The following ADAMTS9 variants were observed in gnomAD, a reference collection of about 807,000 sequenced individuals.
ADAMTS9 encodes the protein ADAM metallopeptidase with thrombospondin type 1 motif 9.
A neutral mutation model predicts 257.1 loss-of-function variants in ADAMTS9; 107 were observed. The observed-to-expected ratio is 0.42, with a 90% confidence interval of 0.36 to 0.49. The LOEUF (loss-of-function observed/expected upper bound fraction) is 0.49. Ranked by LOEUF, ADAMTS9 falls within the 20% of genes least tolerant of loss-of-function variation. The probability of loss-of-function intolerance (pLI) is 0.03; values close to 1 mark genes in which losing one functional copy is unlikely to be tolerated. For synonymous variants in ADAMTS9, 982 were observed against 880.9 expected (o/e 1.11, Z -2.03); for missense variants, 2,353 against 2,469.1 (o/e 0.95, Z 1.00).
At chr3:64,618,186 G>A (rs950717303) in intron 19 of ADAMTS9, among the ~76,000 whole-genome samples, 1 of 152,058 alleles carries the variant, frequency 6.6e-6, no homozygotes, top group Non-Finnish European at 1.5e-5. Flanking sequence ...CTAAACTCCT[G>A]GTTTTTCTTT....
rs147858104 is a variant in ADAMTS9 at position 64,541,164 on chromosome 3, C to A, written c.5452G>T (p.Asp1818Tyr). ...CTGGAAAACCCAGCGGCCGTGTAAT[C>A]CTTCCGACATTGGCAGTCATCGCGC... ...SRRDDCQCRK[D>Y]YTAAGFSSFQ... Residue 1818 changes from aspartate to tyrosine, a missense_variant, in exon 36 of 40, where the codon GAT becomes TAT. By Grantham distance (160) the Asp-to-Tyr change is radical. Coordinates refer to ENST00000498707, the MANE Select transcript of ADAMTS9 (RefSeq NM_182920.2). 4.5e-5 allele frequency: 73 copies of A among 1,614,064 alleles called. No homozygotes were observed. The highest frequency in any genetic ancestry group is 5.8e-5 in the Non-Finnish European group (69 of 1,180,038).
chr3:64,677,373 A>G (rs1260489920), intron 3 of ADAMTS9, among the ~76,000 whole-genome samples: 1 of 152,194 alleles, frequency 6.6e-6, no homozygotes, highest in African/African-American at 2.4e-5. Flanking sequence ...AACAGAGACA[A>G]TCAGGAAGGG....
At chr3:64,546,633 A>G (rs889864669) in intron 32 of ADAMTS9, 125 bp downstream of exon 32, 2 of 1,017,188 alleles carry the variant, frequency 2.0e-6, no homozygotes, top group Non-Finnish European at 2.8e-6. Context: ...GCCCATTTCA[A>G]GTTGCTAACT....
At position 64,658,603 on chromosome 3, in the gene ADAMTS9, A is replaced by T; in HGVS notation, c.868T>A (p.Ser290Thr). ...RTHRRTKRFL[S>T]YPRFVEVLVV... ...AAGACTTCTACAAACCGTGGATAGG[A>T]TAAAAAACGTTTTGTCCTTCTGTGG... The change falls in exon 4 of 40, where the codon TCC becomes ACC. Residue 290 changes from serine to threonine, a missense_variant. Physicochemically the swap from Ser to Thr is moderately conservative, Grantham distance 58. This residue lies in a region of ADAMTS9 where 591 missense variants were observed against 569.6 expected (regional missense o/e 1.04). Transcript: ENST00000498707. 7.4e-6 allele frequency: 12 copies of T among 1,613,986 alleles called. No homozygotes were observed. The highest frequency in any genetic ancestry group is 1.0e-5 in the Non-Finnish European group (12 of 1,180,002).
chr3:64,542,566 T>C (rs1246598958), intron 32 of ADAMTS9, among the ~76,000 whole-genome samples: 2 of 152,060 alleles, frequency 1.3e-5, no homozygotes, highest in African/African-American at 2.4e-5. Context: ...TATCTGGGAC[T>C]ACAGGCACGC....
At chr3:64,555,897 C>G (rs547269417) in intron 30 of ADAMTS9, among the ~76,000 whole-genome samples, 1 of 152,208 alleles carries the variant, frequency 6.6e-6, no homozygotes, top group Non-Finnish European at 1.5e-5. Context: ...TTTAGAGCAT[C>G]CCTAATGCCT....
chr3:64,677,985 T>G (rs745970297), intron 3 of ADAMTS9, among the ~76,000 whole-genome samples: 1 of 152,198 alleles, frequency 6.6e-6, no homozygotes, highest in Non-Finnish European at 1.5e-5. Context: ...AATCCTTTTT[T>G]GAAAATTAGG....
intron 16 of ADAMTS9, 100 bp from the exon 17 acceptor site, chr3:64,622,686 G>C: frequency 7.6e-7 from 1 of 1,323,872 alleles, no homozygotes; most frequent in Non-Finnish European, 1.0e-6. Flanking sequence ...CGCTGTGCAC[G>C]GAATGGGGAC....
chr3:64,658,830 A>T (rs1178106739), intron 3 of ADAMTS9, 39 bp from the exon 4 acceptor site: 4 of 1,554,154 alleles, frequency 2.6e-6, no homozygotes, highest in Admixed American at 2.0e-5. Context: ...ATTTCAAGCC[A>T]CATCTATTTT....
chr3:64,670,813 A>G (rs1701468453), intron 3 of ADAMTS9, among the ~76,000 whole-genome samples: 1 of 152,236 alleles, frequency 6.6e-6, no homozygotes, highest in Non-Finnish European at 1.5e-5. Context: ...GAAAACTACA[A>G]TGAAATTCCA....
Position 64,649,792 on chromosome 3 carries a change from C to G in ADAMTS9, c.1464-14G>C, listed in dbSNP as rs199700073. On this transcript the variant is annotated splice_polypyrimidine_tract_variant and intron_variant, in intron 9 of 39. Transcript: ENST00000498707. The stretch of plus-strand genomic sequence containing the variant: ...CCATAACCAGTGCTACGGAAACACA[C>G]AGAAACACACAGATGGTGAGAACGG... The G allele has an allele frequency of 2.5e-5, 40 of 1,607,446 alleles. No individual in the cohort carries two copies. The Admixed American group carries it at 6.6e-4, about 26-fold the overall frequency.
At chr3:64,607,675 C>A (rs933391094) in intron 22 of ADAMTS9, among the ~76,000 whole-genome samples, 3 of 152,102 alleles carry the variant, frequency 2.0e-5, no homozygotes, top group African/African-American at 7.2e-5. Context: ...TAGGGAGCTC[C>A]AAGAATTGGT....
At chr3:64,535,272 G>A (rs2083035216) in intron 37 of ADAMTS9, among the ~76,000 whole-genome samples, 3 of 152,060 alleles carry the variant, frequency 2.0e-5, no homozygotes, top group South Asian at 4.2e-4. Context: ...CCAGATGCTC[G>A]GGAGACTGAG....
At chr3:64,522,027 G>T in intron 39 of ADAMTS9, 139 bp downstream of exon 39, 1 of 656,004 alleles carries the variant, frequency 1.5e-6, no homozygotes, top group Non-Finnish European at 2.7e-6. Context: ...AGGAGCAGGA[G>T]ATAAAAAGGT....
intron 19 of ADAMTS9, 97 bp from the exon 20 acceptor site, chr3:64,616,267 T>A: frequency 7.5e-7 from 1 of 1,339,202 alleles, no homozygotes; most frequent in African/African-American, 1.4e-5. Flanking sequence ...AGTTCTTTTT[T>A]CTTTCTTAAC....
intron 30 of ADAMTS9, among the ~76,000 whole-genome samples, chr3:64,555,152 C>T (rs894377158): frequency 2.6e-5 from 4 of 152,104 alleles, no homozygotes; most frequent in Admixed American, 2.0e-4. Context: ...CCACAGGGTT[C>T]CTGGGTTTTT....
At position 64,651,124 on chromosome 3, in the gene ADAMTS9, T is replaced by G; in HGVS notation, c.1356A>C (p.Glu452Asp). ...CATGCTGGGGACTCTTAACTCCTTC[T>G]TCTTTACATTTGTTGTTGTCATCAT... ...MPHDDNNKCKEEGVKSPQHVM... is the reference protein window; with the variant it reads ...MPHDDNNKCKDEGVKSPQHVM... Residue 452 changes from glutamate (E) to aspartate (D), a missense_variant, in exon 9 of 40, where the codon GAA becomes GAC. Coordinates refer to ENST00000498707, the MANE Select transcript of ADAMTS9 (RefSeq NM_182920.2). The G allele has an allele frequency of 1.3e-6, 2 of 1,595,594 alleles. No homozygotes were observed. Among genetic ancestry groups the G allele is most frequent in the Non-Finnish European group, 1.7e-6 (2 of 1,173,632 alleles).
At chr3:64,671,457 T>G (rs1701485647) in intron 3 of ADAMTS9, among the ~76,000 whole-genome samples, 1 of 152,046 alleles carries the variant, frequency 6.6e-6, no homozygotes, top group African/African-American at 2.4e-5. Context: ...AATTATACAT[T>G]AATAGAAAAA....
At position 64,539,279 on chromosome 3, in the gene ADAMTS9, A is replaced by T; in HGVS notation, c.5537T>A (p.Phe1846Tyr). Residue 1846 changes from phenylalanine (F) to tyrosine (Y), a missense_variant, in exon 37 of 40, where the codon TTT (phenylalanine) becomes TAT (tyrosine). By Grantham distance (22) the Phe-to-Tyr change is conservative (BLOSUM62 3). Around this residue, in one of 3 missense-constraint regions of ADAMTS9, gnomAD observed 1,402 missense variants for 1,441.4 expected, o/e 0.97. Coordinates refer to ENST00000498707, the MANE Select transcript of ADAMTS9 (RefSeq NM_182920.2). Reference protein sequence around the residue: ...SMQIITTDLQFARTSEGHPVP... With the variant: ...SMQIITTDLQYARTSEGHPVP... ...GGGATGTCCTTCGCTTGTCCTTGCA[A>T]ACTGTAAGTCAGTGGCTGTGGGGTG... The T allele has an allele frequency of 6.2e-7, 1 of 1,614,008 alleles. No homozygotes were observed. The highest frequency in any genetic ancestry group is 8.5e-7 in the Non-Finnish European group (1 of 1,179,926).
Sources: allele counts gnomAD v4.1 joint callset (sites outside exome capture counted in the v4.1 genomes callset), GRCh38; gene constraint gnomAD v4.1.1; regional missense constraint gnomAD v4.1.1; transcripts MANE v1.5; gene names NCBI Gene and HGNC (gene_info 2026-07-23, HGNC 2026-07-21).